VGLL4: variants seen among roughly 807,000 people sequenced by gnomAD.
VGLL4 encodes the protein vestigial like family member 4, also known as transcription cofactor vestigial-like protein 4.
A neutral mutation model predicts 21.0 loss-of-function variants in VGLL4; 7 were observed. That is an observed-to-expected ratio of 0.33 (90% CI 0.19 to 0.63). The LOEUF is 0.63. Among genes scored for constraint, VGLL4 ranks in the 20% least tolerant of loss-of-function variants. VGLL4 has a pLI of 0.78. For missense variants in VGLL4, 394 were observed against 425.7 expected, an observed-to-expected ratio of 0.93 and a Z score of 0.66; for synonymous variants, 222 against 173.2, an observed-to-expected ratio of 1.28 and a Z score of -2.21.
chr3:11,609,258 A>G (rs2075009691), intron 1 of VGLL4, among the ~76,000 whole-genome samples: 1 of 152,204 alleles, frequency 6.6e-6, no homozygotes, highest in South Asian at 2.1e-4. Flanking sequence ...CATCTTCCAT[A>G]AGAGATACAT....
At chr3:11,576,290 TAG>T (rs2074042762) in intron 2 of VGLL4, among the ~76,000 whole-genome samples, 1 of 152,226 alleles carries the variant, frequency 6.6e-6, no homozygotes, top group Admixed American at 6.5e-5. Flanking sequence ...TGTCCCACAT[TAG>T]AGTTTTCAAA....
At chr3:11,624,685 A>G (rs551353419) in intron 1 of VGLL4, among the ~76,000 whole-genome samples, 1 of 152,330 alleles carries the variant, frequency 6.6e-6, no homozygotes, top group East Asian at 1.9e-4. Context: ...TTGCACAACA[A>G]AACAACTCAT....
chr3:11,670,991 C>T (rs544328992), intron 2 of VGLL4, among the ~76,000 whole-genome samples: 74 of 152,146 alleles, frequency 4.9e-4, no homozygotes, highest in Non-Finnish European at 8.8e-4. Context: ...GAGCTGAGAT[C>T]GTGCCATTGC....
intron 2 of VGLL4, among the ~76,000 whole-genome samples, chr3:11,659,808 T>C (rs1382462077): frequency 6.6e-6 from 1 of 152,220 alleles, no homozygotes; most frequent in Non-Finnish European, 1.5e-5. Flanking sequence ...CATGAGCAGA[T>C]TAAGTGAATT....
chr3:11,711,770 A>C (rs1188164900), intron 1 of VGLL4, among the ~76,000 whole-genome samples: 1 of 152,132 alleles, frequency 6.6e-6, no homozygotes, highest in Non-Finnish European at 1.5e-5. Flanking sequence ...TCCTCTATTA[A>C]AACACTGTAT....
intron 1 of VGLL4, among the ~76,000 whole-genome samples, chr3:11,708,225 G>A (rs1468548268): frequency 6.6e-6 from 1 of 152,192 alleles, no homozygotes; most frequent in South Asian, 2.1e-4. Context: ...CAAAACTTAT[G>A]CAAATATATT....
At chr3:11,573,395 GAAAA>G (rs2073935917) in intron 2 of VGLL4, among the ~76,000 whole-genome samples, 10 of 149,830 alleles carry the variant, frequency 6.7e-5, no homozygotes, top group African/African-American at 2.4e-4. Flanking sequence ...AAGAAAGAAA[GAAAA>G]TGGCCCCATA....
chr3:11,714,829 C>T (rs1339113275), intron 1 of VGLL4, among the ~76,000 whole-genome samples: 1 of 152,146 alleles, frequency 6.6e-6, no homozygotes, highest in African/African-American at 2.4e-5. Flanking sequence ...GGACCTATTA[C>T]TCCCAAGAAT....
At chr3:11,652,896 GCTA>G (rs1463536002) in intron 2 of VGLL4, among the ~76,000 whole-genome samples, 1 of 151,976 alleles carries the variant, frequency 6.6e-6, no homozygotes, top group Non-Finnish European at 1.5e-5. Context: ...AGTGATTTTC[GCTA>G]CTACAACCAA....
chr3:11,634,546 T>C (rs999286190), intron 1 of VGLL4, among the ~76,000 whole-genome samples: 7 of 152,196 alleles, frequency 4.6e-5, no homozygotes, highest in African/African-American at 1.4e-4. Flanking sequence ...AGTTTGTTTT[T>C]AGTGCTCATC....
intron 2 of VGLL4, among the ~76,000 whole-genome samples, chr3:11,662,906 G>T (rs1264410283): frequency 6.6e-6 from 1 of 152,182 alleles, no homozygotes; most frequent in Non-Finnish European, 1.5e-5. Context: ...AGATGGGAGG[G>T]ACTTTCTTCA....
At chr3:11,700,700 A>G (rs1213023283) in intron 2 of VGLL4, among the ~76,000 whole-genome samples, 2 of 152,238 alleles carry the variant, frequency 1.3e-5, no homozygotes, top group Non-Finnish European at 2.9e-5. Context: ...TGAGCTCAGA[A>G]GACATCCCCG....
chr3:11,578,386 C>T (rs973711321), intron 2 of VGLL4, among the ~76,000 whole-genome samples: 13 of 152,106 alleles, frequency 8.5e-5, no homozygotes, highest in Admixed American at 2.0e-4. Context: ...CCCCACACAC[C>T]GGAGCATGGT....
intron 1 of VGLL4, 93 bp downstream of exon 1, chr3:11,643,344 G>C (rs1213053602): frequency 1.9e-6 from 3 of 1,599,474 alleles, no homozygotes; most frequent in Admixed American, 1.7e-5. Flanking sequence ...CCCCGGAGGA[G>C]GACAGCGGGC....
At chr3:11,608,054 T>C (rs1182679565) in intron 1 of VGLL4, among the ~76,000 whole-genome samples, 1 of 152,140 alleles carries the variant, frequency 6.6e-6, no homozygotes, top group African/African-American at 2.4e-5. Context: ...ATCTTGGGAG[T>C]GCAAGAGGCT....
intron 2 of VGLL4, among the ~76,000 whole-genome samples, chr3:11,601,430 G>A (rs2074794649): frequency 1.3e-5 from 2 of 152,166 alleles, no homozygotes; most frequent in South Asian, 4.1e-4. Context: ...TGGTCAAAAA[G>A]GTGCTGAGCT....
At position 11,558,414 on chromosome 3, in the gene VGLL4, C is replaced by T. The variant is rs2072631172; in HGVS notation, c.*142G>A. On this transcript the variant is annotated 3_prime_UTR_variant, in exon 5 of 5. Coordinates refer to ENST00000430365, the MANE Select transcript of VGLL4 (RefSeq NM_001128219.3). ...GCAAGTACAAAAACAGAACACAAATCCCAACAACATGGTTTTTGCAAATAA... is the reference window on the plus strand; with the variant it reads ...GCAAGTACAAAAACAGAACACAAATTCCAACAACATGGTTTTTGCAAATAA... The T allele has an allele frequency of 2.2e-6, 3 of 1,336,900 alleles. No individual in the cohort carries two copies. The highest frequency in any genetic ancestry group is 3.0e-6 in the Non-Finnish European group (3 of 1,007,252). 82.8% of individuals were successfully genotyped at this position (1,336,900 alleles called of 1,614,324 possible).
chr3:11,630,854 T>C (rs2075461020), intron 1 of VGLL4, among the ~76,000 whole-genome samples: 1 of 152,130 alleles, frequency 6.6e-6, no homozygotes, highest in Admixed American at 6.5e-5. Flanking sequence ...TGCATAAAAA[T>C]GTTCGAACAC....
chr3:11,621,115 G>A (rs2075258594), intron 1 of VGLL4, among the ~76,000 whole-genome samples: 1 of 152,188 alleles, frequency 6.6e-6, no homozygotes, highest in Admixed American at 6.5e-5. Context: ...TGCAAAGAAT[G>A]GAATGAATGG....
Sources: gnomAD v4.1 joint callset for allele counts (sites outside exome capture counted in the v4.1 genomes callset) on GRCh38, gnomAD v4.1.1 for gene constraint, MANE v1.5 for transcripts, NCBI Gene and HGNC (gene_info 2026-07-23, HGNC 2026-07-21) for gene names.